Variants in ST7L observed in about 807,000 individuals in gnomAD.
ST7L encodes suppressor of tumorigenicity 7 protein-like.
A neutral mutation model predicts 72.5 loss-of-function variants in ST7L; 57 were observed. The observed-to-expected ratio is 0.79, with a 90% CI of 0.64 to 0.98. The LOEUF (loss-of-function observed/expected upper bound fraction) is 0.98. Ranked by LOEUF, ST7L falls within the 50% of genes least tolerant of loss-of-function variation. ST7L has a pLI of 0.00. For missense variants in ST7L, 576 were observed against 672.2 expected, an observed-to-expected ratio of 0.86 and a Z score of 1.58; for synonymous variants, 221 against 240.9, an observed-to-expected ratio of 0.92 and a Z score of 0.77.
In ST7L at chr1:112,542,026, T is replaced by C. The variant is rs766341540; in HGVS notation, c.1554A>G (p.Gly518=). ...ELPLFIHFTA[G]FCSSTAMIAI... Reference sequence around the variant, plus strand: ...CTATCATTGCTGTAGAAGAGCAAAATCCTGCTGTGAAATGGATGAACAAAG... The same window carrying C: ...CTATCATTGCTGTAGAAGAGCAAAACCCTGCTGTGAAATGGATGAACAAAG... Residue 518 remains glycine (G), a synonymous_variant, in exon 14 of 15, where the codon GGA becomes GGG. Coordinates refer to ENST00000358039, the MANE Select transcript of ST7L (RefSeq NM_017744.5). The C allele has an allele frequency of 6.2e-7, 1 of 1,613,772 alleles. No individual in the cohort carries two copies. Among genetic ancestry groups the C allele is most frequent in the Non-Finnish European group, 8.5e-7 (1 of 1,179,892 alleles).
At chr1:112,540,938 A>C in intron 14 of ST7L, 1 of 968,158 alleles carries the variant, frequency 1.0e-6, no homozygotes, top group Admixed American at 2.8e-5. Flanking sequence ...CTTAAAGGCA[A>C]TTATCTTTGC....
At chr1:112,584,367 AC>A (rs1320152728) in intron 6 of ST7L, among the ~76,000 whole-genome samples, 1 of 151,852 alleles carries the variant, frequency 6.6e-6, no homozygotes, top group Non-Finnish European at 1.5e-5. Context: ...AAAAAAAAAA[AC>A]AAAATTTTTA....
At chr1:112,544,688 T>C (rs1656769123) in intron 13 of ST7L, among the ~76,000 whole-genome samples, 1 of 152,260 alleles carries the variant, frequency 6.6e-6, no homozygotes, top group South Asian at 2.1e-4. Flanking sequence ...AGAACTTTAA[T>C]TTATATTAGC....
intron 6 of ST7L, among the ~76,000 whole-genome samples, chr1:112,589,233 G>C (rs561810554): frequency 1.3e-5 from 2 of 151,924 alleles, no homozygotes; most frequent in African/African-American, 4.8e-5. Context: ...GCTTCACAGG[G>C]GCAGTTTCTA....
chr1:112,529,684 A>T (rs1009557293), intron 14 of ST7L: 10 of 151,948 alleles, frequency 6.6e-5, no homozygotes, highest in African/African-American at 2.4e-4. Flanking sequence ...ATTTTAAAAA[A>T]TTCAATATGG....
intron 12 of ST7L, among the ~76,000 whole-genome samples, chr1:112,552,920 A>G (rs754220032): frequency 3.0e-4 from 45 of 152,066 alleles, no homozygotes; most frequent in Non-Finnish European, 5.4e-4. Context: ...CCTGGGCAAC[A>G]TAGCAAGACC....
At chr1:112,590,499 C>T (rs1017818825) in intron 6 of ST7L, among the ~76,000 whole-genome samples, 1 of 152,084 alleles carries the variant, frequency 6.6e-6, no homozygotes, top group African/African-American at 2.4e-5. Context: ...TTTGCTCCAC[C>T]GTGGGAAGGT....
the ST7L span, chr1:112,518,099 G>A: frequency 6.6e-6 from 1 of 152,238 alleles, no homozygotes; most frequent in Non-Finnish European, 1.5e-5. Context: ...ACGAAGAAGA[G>A]ATCCCTACCA....
chr1:112,600,688 A>G (rs1347625761), intron 4 of ST7L, 106 bp downstream of exon 4: 1 of 920,646 alleles, frequency 1.1e-6, no homozygotes, highest in East Asian at 2.6e-5. Context: ...ATAGACCAGT[A>G]TCTTCTACTA....
intron 5 of ST7L, 29 bp from the exon 6 acceptor site, chr1:112,591,632 G>A (rs1303755392): frequency 6.4e-7 from 1 of 1,564,932 alleles, no homozygotes; most frequent in South Asian, 1.2e-5. Context: ...TAAAATAGAT[G>A]AGATGGTAAA....
chr1:112,592,165 T>C (rs894626033), intron 5 of ST7L, among the ~76,000 whole-genome samples: 1 of 152,044 alleles, frequency 6.6e-6, no homozygotes, highest in Non-Finnish European at 1.5e-5. Context: ...AACAAAGGCC[T>C]GAGTTAGGAT....
chr1:112,539,955 A>T (rs1463037017), intron 14 of ST7L: 1 of 985,308 alleles, frequency 1.0e-6, no homozygotes, highest in African/African-American at 1.7e-5. Context: ...CTAGAAAAGC[A>T]GTATATCAAT....
At chr1:112,578,884 T>C (rs1175862769) in intron 9 of ST7L, among the ~76,000 whole-genome samples, 1 of 152,142 alleles carries the variant, frequency 6.6e-6, no homozygotes. Context: ...ATCTATAATA[T>C]AGTAGGAAAA....
At chr1:112,557,767 A>C (rs1263545425) in intron 11 of ST7L, among the ~76,000 whole-genome samples, 2 of 152,206 alleles carry the variant, frequency 1.3e-5, no homozygotes, top group Admixed American at 6.5e-5. Context: ...AGGAGGACAT[A>C]AACAAAGCAC....
At chr1:112,527,584 A>G (rs956946916) in intron 14 of ST7L, 4 of 152,580 alleles carry the variant, frequency 2.6e-5, no homozygotes, top group African/African-American at 9.7e-5. Context: ...AGAGCAGGAG[A>G]GTGTTGAATG....
At chr1:112,587,751 G>C (rs1209036590) in intron 6 of ST7L, among the ~76,000 whole-genome samples, 1 of 152,172 alleles carries the variant, frequency 6.6e-6, no homozygotes, top group Non-Finnish European at 1.5e-5. Flanking sequence ...TGTAGTGTGA[G>C]TCTTCTAATT....
At chr1:112,597,712 G>A (rs565191754) in intron 5 of ST7L, among the ~76,000 whole-genome samples, 1 of 152,090 alleles carries the variant, frequency 6.6e-6, no homozygotes, top group East Asian at 1.9e-4. Flanking sequence ...CTGTTTTCTG[G>A]AAAAGTAGTT....
chr1:112,562,198 G>A (rs745573008), intron 11 of ST7L, among the ~76,000 whole-genome samples: 31 of 151,876 alleles, frequency 2.0e-4, no homozygotes, highest in South Asian at 4.2e-4. Flanking sequence ...TAACTCCTGG[G>A]CTCAAGTGAT....
At chr1:112,575,777 A>G (rs1466179537) in intron 11 of ST7L, among the ~76,000 whole-genome samples, 1 of 152,256 alleles carries the variant, frequency 6.6e-6, no homozygotes, top group East Asian at 1.9e-4. Flanking sequence ...GCAAAACCAT[A>G]GATATGGGTG....
Sources: gnomAD v4.1 joint callset for allele counts (sites outside exome capture counted in the v4.1 genomes callset) on GRCh38, gnomAD v4.1.1 for gene constraint, MANE v1.5 for transcripts, NCBI Gene and HGNC (gene_info 2026-07-23, HGNC 2026-07-21) for gene names.